CACNA1D: variants seen among roughly 807,000 people sequenced by gnomAD.
The protein encoded by CACNA1D is calcium voltage-gated channel subunit alpha1 D.
Under a neutral mutation model 257.1 loss-of-function variants are expected in CACNA1D, and 55 were observed. That is an observed-to-expected ratio of 0.21 (90% CI 0.17 to 0.27). The LOEUF (loss-of-function observed/expected upper bound fraction) is 0.27, where lower values mean the gene tolerates loss of function less well. CACNA1D is among the 10% of genes least tolerant of loss of function. The pLI, the probability that CACNA1D is intolerant of heterozygous loss-of-function variation, is 1.00. For synonymous variants in CACNA1D, 980 were observed against 1,014.9 expected (o/e 0.97, Z 0.65); for missense variants, 1,876 against 2,784.0 (o/e 0.67, Z 7.34).
chr3:53,664,826 G>C (rs1234106190), intron 5 of CACNA1D, among the ~76,000 whole-genome samples: 1 of 152,226 alleles, frequency 6.6e-6, no homozygotes, highest in East Asian at 1.9e-4. Context: ...GGAAGAAGGG[G>C]TCAGGGGGCT....
At chr3:53,523,702 C>A (rs993435026) in intron 3 of CACNA1D, among the ~76,000 whole-genome samples, 1 of 152,218 alleles carries the variant, frequency 6.6e-6, no homozygotes, top group Non-Finnish European at 1.5e-5. Context: ...TTCAGGCCCC[C>A]CTTTGCCACT....
chr3:53,569,220 T>A (rs1354150567), intron 3 of CACNA1D, among the ~76,000 whole-genome samples: 1 of 152,210 alleles, frequency 6.6e-6, no homozygotes, highest in Non-Finnish European at 1.5e-5. Context: ...GAGTTTCAAA[T>A]CCATCCAGAA....
At chr3:53,803,322 G>A (rs1002982850) in intron 43 of CACNA1D, 101 bp from the exon 44 acceptor site, 10 of 1,359,072 alleles carry the variant, frequency 7.4e-6, no homozygotes, top group Admixed American at 5.0e-5. Flanking sequence ...GGAGAAGCCA[G>A]GAGCACCCGG....
At chr3:53,706,029 G>A (rs548250976) in intron 9 of CACNA1D, among the ~76,000 whole-genome samples, 7 of 152,320 alleles carry the variant, frequency 4.6e-5, no homozygotes, top group South Asian at 2.1e-4. Flanking sequence ...CCAGTGTTAC[G>A]GTGTCTGCAT....
At chr3:53,739,845 C>G (rs2095097944) in intron 20 of CACNA1D, among the ~76,000 whole-genome samples, 2 of 152,240 alleles carry the variant, frequency 1.3e-5, no homozygotes, top group Admixed American at 1.3e-4. Flanking sequence ...TTCATTTATG[C>G]TTCTCCACCA....
chr3:53,701,223 C>A (rs2094622529), intron 8 of CACNA1D, among the ~76,000 whole-genome samples: 1 of 152,150 alleles, frequency 6.6e-6, no homozygotes, highest in Non-Finnish European at 1.5e-5. Context: ...CTCACTGCAA[C>A]CTCTGCCTCC....
intron 3 of CACNA1D, among the ~76,000 whole-genome samples, chr3:53,574,734 C>T (rs17053197): frequency 0.012 from 1,830 of 151,962 alleles, 36 homozygotes; most frequent in African/African-American, 0.042. Flanking sequence ...TGCTGTCCCA[C>T]GTGTTCTCAC....
chr3:53,540,419 C>A (rs2092267222), intron 3 of CACNA1D, among the ~76,000 whole-genome samples: 2 of 152,038 alleles, frequency 1.3e-5, no homozygotes, highest in African/African-American at 4.8e-5. Flanking sequence ...AGCCACCACG[C>A]CTGGCCACAA....
At chr3:53,628,773 G>A (rs1245657688) in intron 3 of CACNA1D, among the ~76,000 whole-genome samples, 1 of 152,200 alleles carries the variant, frequency 6.6e-6, no homozygotes, top group Non-Finnish European at 1.5e-5. Flanking sequence ...GTCTTGACAG[G>A]AAGCAGTGGT....
rs2108843579 is a variant in CACNA1D at position 53,745,877 on chromosome 3, TGAGCGTCCTGA to T, written c.3167+6_3167+16del. 6.2e-7 allele frequency: 1 copy of T among 1,611,224 alleles called. No individual in the cohort carries two copies. Among genetic ancestry groups the T allele is most frequent in the East Asian group, 2.2e-5 (1 of 44,882 alleles). On this transcript the variant is annotated splice_donor_5th_base_variant and intron_variant, in intron 25 of 47. Transcript: ENST00000350061. ...CAAAAGTAACCCTGAAGAATGCAGG[TGAGCGTCCTGA>T]GAGTGGAGTAGGGGACTTAGAAGAG...
intron 8 of CACNA1D, chr3:53,679,550 A>G (rs1280084457): frequency 1.3e-5 from 2 of 152,132 alleles, no homozygotes; most frequent in Non-Finnish European, 2.9e-5. Context: ...CCAACAGAGA[A>G]TTTTTGGCCA....
Position 53,720,157 on chromosome 3 carries a change from T to C in CACNA1D, c.1505+376T>C, listed in dbSNP as rs576662123. 2.2e-4 allele frequency among the ~76,000 whole-genome samples: 33 copies of C among 152,334 alleles called. 3 individuals carry two copies. Among genetic ancestry groups the C allele is most frequent in the African/African-American group, 7.5e-4 (31 of 41,580 alleles). On this transcript the variant is annotated intron_variant, in intron 11 of 47. Transcript: ENST00000350061. ...TTTCTTGATGTGCATGCGGGTTACG[T>C]GTTCAGTTGGTAAAACTCATTGAAC...
intron 40 of CACNA1D, chr3:53,798,133 C>T (rs2095516143): frequency 6.6e-6 from 1 of 152,200 alleles, no homozygotes; most frequent in South Asian, 2.1e-4. Flanking sequence ...TATGACCTTT[C>T]TTCACGTTCC....
At chr3:53,759,931 A>AGGAAAGCT (rs1329097685) in intron 29 of CACNA1D, among the ~76,000 whole-genome samples, 2 of 152,236 alleles carry the variant, frequency 1.3e-5, no homozygotes, top group African/African-American at 4.8e-5. Context: ...ATTCATGCAA[A>AGGAAAGCT]GGAAAGCTAG....
intron 3 of CACNA1D, among the ~76,000 whole-genome samples, chr3:53,574,480 G>A (rs1477057352): frequency 8.5e-5 from 13 of 152,166 alleles, no homozygotes. Flanking sequence ...AACACAAAAT[G>A]TTGTGTTGGA....
At chr3:53,710,553 A>G (rs1418793890) in intron 9 of CACNA1D, 2 of 452,118 alleles carry the variant, frequency 4.4e-6, no homozygotes, top group Non-Finnish European at 9.0e-6. Flanking sequence ...GCATTGTGTG[A>G]AGTGCATGTG....
At chr3:53,586,440 A>ATT (rs397950611) in intron 3 of CACNA1D, among the ~76,000 whole-genome samples, 110 of 145,288 alleles carry the variant, frequency 7.6e-4, no homozygotes, top group Admixed American at 1.3e-3. Flanking sequence ...GTCCTCACCT[A>ATT]TTTTTTTTTT....
chr3:53,509,905 A>G (rs916233411), intron 3 of CACNA1D, among the ~76,000 whole-genome samples: 1 of 152,238 alleles, frequency 6.6e-6, no homozygotes, highest in Non-Finnish European at 1.5e-5. Flanking sequence ...ATAAGAAAGG[A>G]AATTGAGGCA....
At chr3:53,791,301 G>T (rs749458327) in intron 40 of CACNA1D, 8 of 369,422 alleles carry the variant, frequency 2.2e-5, no homozygotes, top group Non-Finnish European at 3.9e-5. Context: ...TCCCTTCCAA[G>T]CAGAGACTCA....
Sources: gnomAD v4.1 joint callset for allele counts (sites outside exome capture counted in the v4.1 genomes callset) on GRCh38, gnomAD v4.1.1 for gene constraint, MANE v1.5 for transcripts, NCBI Gene and HGNC (gene_info 2026-07-23, HGNC 2026-07-21) for gene names.